HORMAD2: variants seen among roughly 807,000 people sequenced by gnomAD.
HORMAD2 encodes HORMA domain containing 2, also known as HORMA domain-containing protein 2.
A neutral mutation model predicts 38.8 loss-of-function variants in HORMAD2; 45 were observed. The ratio of observed to expected loss-of-function variants is 1.16; its 90% CI spans 0.91 to 1.49. The LOEUF (loss-of-function observed/expected upper bound fraction) is 1.49. Among genes scored for constraint, HORMAD2 ranks in the 40% most tolerant of loss-of-function variants. The pLI, the probability that HORMAD2 is intolerant of heterozygous loss-of-function variation, is 0.00. For missense variants in HORMAD2, 338 were observed against 367.0 expected, an observed-to-expected ratio of 0.92 and a Z score of 0.65; for synonymous variants, 126 against 122.8, an observed-to-expected ratio of 1.03 and a Z score of -0.17.
chr22:30,184,715 TG>T, the HORMAD2 span: 11 of 152,190 alleles, frequency 7.2e-5, no homozygotes, highest in Admixed American at 5.2e-4. Flanking sequence ...GCCTAAAGCC[TG>T]GGGAGTAGAT....
In HORMAD2 at chr22:30,121,663, A is replaced by G; in HGVS notation, c.442A>G (p.Thr148Ala). Residue 148 changes from threonine to alanine, a missense_variant, in exon 9 of 11, where the codon ACA becomes GCA. Coordinates refer to ENST00000336726, the MANE Select transcript of HORMAD2 (RefSeq NM_152510.4). The part of the protein sequence containing the change: ...HSSSTSFESG[T>A]NNEDIKKASV... ...CAGCAGTACAAGCTTTGAAAGTGGA[A>G]CAAACAATGAAGATATTAAGAAAGC... 1 of 1,602,354 alleles carries G rather than the reference A, an allele frequency of 6.2e-7. No individual in the cohort carries two copies. Among genetic ancestry groups the G allele is most frequent in the Non-Finnish European group, 8.5e-7 (1 of 1,174,048 alleles).
chr22:30,120,787 G>A (rs972794392), intron 8 of HORMAD2, among the ~76,000 whole-genome samples: 1 of 152,152 alleles, frequency 6.6e-6, no homozygotes, highest in Admixed American at 6.6e-5. Context: ...AAGAGTCTGC[G>A]CATGAGCTAG....
intron 4 of HORMAD2, 21 bp from the exon 5 acceptor site, chr22:30,104,380 C>G: frequency 1.2e-6 from 2 of 1,602,798 alleles, no homozygotes; most frequent in Non-Finnish European, 1.7e-6. Context: ...CAATTGACAT[C>G]AAACATTTAT....
intron 1 of HORMAD2, among the ~76,000 whole-genome samples, chr22:30,090,320 G>A (rs1030510022): frequency 6.6e-6 from 1 of 152,140 alleles, no homozygotes; most frequent in African/African-American, 2.4e-5. Flanking sequence ...CCGAGATCAC[G>A]CCATTGCACT....
rs562002538 is a variant in HORMAD2, at chr22:30,088,620, G to A, written c.-37-5296G>A. 3.9e-3 allele frequency among the ~76,000 whole-genome samples: 576 copies of A among 148,300 alleles called. 1 individual carries two copies. The highest frequency in any genetic ancestry group is 5.2e-3 in the Non-Finnish European group (346 of 66,620). ...TTAGAAAACTATTTAGTTTTATTAA[G>A]TAAGTTTTAATAAGTAAGTTTTATT... On this transcript the variant is annotated intron_variant, in intron 1 of 10. Transcript: ENST00000336726.
intron 10 of HORMAD2, among the ~76,000 whole-genome samples, chr22:30,157,130 T>TA (rs1207314928): frequency 6.6e-6 from 1 of 152,216 alleles, no homozygotes; most frequent in African/African-American, 2.4e-5. Flanking sequence ...TCTCCATCTG[T>TA]ATCCTCTTGG....
intron 5 of HORMAD2, among the ~76,000 whole-genome samples, chr22:30,110,133 G>A (rs556985330): frequency 1.3e-5 from 2 of 151,974 alleles, no homozygotes; most frequent in African/African-American, 4.8e-5. Flanking sequence ...CATTTACATG[G>A]TATTAAGTAT....
chr22:30,185,187 G>A, the HORMAD2 span, among the ~76,000 whole-genome samples: 1 of 152,166 alleles, frequency 6.6e-6, no homozygotes, highest in Non-Finnish European at 1.5e-5. Context: ...TCCCTTGAGG[G>A]ACCAGCCCAT....
At chr22:30,162,834 C>T (rs1024785766) in intron 10 of HORMAD2, among the ~76,000 whole-genome samples, 1 of 151,600 alleles carries the variant, frequency 6.6e-6, no homozygotes, top group Non-Finnish European at 1.5e-5. Context: ...TCTAGAGTAG[C>T]TGGGATTACA....
intron 10 of HORMAD2, among the ~76,000 whole-genome samples, chr22:30,164,085 A>G (rs1484924600): frequency 1.3e-5 from 2 of 152,230 alleles, no homozygotes; most frequent in Admixed American, 6.5e-5. Context: ...TTCACTTAGC[A>G]TAATGTCCTC....
chr22:30,139,253 A>AATATATATATATAT (rs1923887283), intron 10 of HORMAD2, among the ~76,000 whole-genome samples: 2 of 30,012 alleles, frequency 6.7e-5, no homozygotes, highest in Admixed American at 3.2e-4. Flanking sequence ...TATGAACTGT[A>AATATATATATATAT]CTATATATAT....
chr22:30,083,488 A>G (rs2068519860), intron 1 of HORMAD2, among the ~76,000 whole-genome samples: 1 of 152,218 alleles, frequency 6.6e-6, no homozygotes, highest in African/African-American at 2.4e-5. Flanking sequence ...CATGCTCTCT[A>G]GAGTCATACC....
At position 30,165,772 on chromosome 22, in the gene HORMAD2, GC is replaced by G. The variant is rs1434378915; in HGVS notation, c.820-10289del. Among the ~76,000 whole-genome samples the G allele has an allele frequency of 3.3e-5, 5 of 152,040 alleles. No homozygotes were observed. The East Asian group carries it at 9.6e-4, about 29-fold the overall frequency. Reference sequence around the variant, plus strand: ...CTGCCAATTCCCTGGTAATTGAAATGCCACCTTTTTCATAAACCATAGCATA... The same window carrying G: ...CTGCCAATTCCCTGGTAATTGAAATGCACCTTTTTCATAAACCATAGCATA... On this transcript the variant is annotated intron_variant, in intron 10 of 10. Coordinates refer to ENST00000336726, the MANE Select transcript of HORMAD2 (RefSeq NM_152510.4).
chr22:30,108,238 A>G (rs966477733), intron 5 of HORMAD2, among the ~76,000 whole-genome samples: 4 of 152,086 alleles, frequency 2.6e-5, no homozygotes, highest in Non-Finnish European at 1.5e-5. Context: ...ATTCCAACCC[A>G]CTGTCCACAC....
At chr22:30,158,676 C>A (rs924391302) in intron 10 of HORMAD2, among the ~76,000 whole-genome samples, 2 of 144,474 alleles carry the variant, frequency 1.4e-5, no homozygotes, top group African/African-American at 5.2e-5. Context: ...TCCCCCTCCC[C>A]TTCTCTCTTT....
chr22:30,167,424 C>G (rs997975212), intron 10 of HORMAD2, among the ~76,000 whole-genome samples: 2 of 152,128 alleles, frequency 1.3e-5, no homozygotes, highest in Non-Finnish European at 2.9e-5. Context: ...TCCAATTTGC[C>G]TGGAGTTAGG....
At chr22:30,126,333 A>G (rs1231852496) in intron 10 of HORMAD2, among the ~76,000 whole-genome samples, 1 of 151,904 alleles carries the variant, frequency 6.6e-6, no homozygotes, top group African/African-American at 2.4e-5. Context: ...CACACCGCCT[A>G]ATTTTTTGTA....
At chr22:30,125,824 GC>G (rs1472008239) in intron 10 of HORMAD2, among the ~76,000 whole-genome samples, 17 of 152,148 alleles carry the variant, frequency 1.1e-4, no homozygotes, top group Admixed American at 5.2e-4. Flanking sequence ...CAGTGATACA[GC>G]TCAATAAATA....
chr22:30,163,098 T>G (rs1925554771), intron 10 of HORMAD2, among the ~76,000 whole-genome samples: 1 of 152,214 alleles, frequency 6.6e-6, no homozygotes, highest in Non-Finnish European at 1.5e-5. Flanking sequence ...TTTTCCCTAT[T>G]AGTATACTTA....
Sources: gnomAD v4.1 joint callset for allele counts (sites outside exome capture counted in the v4.1 genomes callset) on GRCh38, gnomAD v4.1.1 for gene constraint, MANE v1.5 for transcripts, NCBI Gene and HGNC (gene_info 2026-07-23, HGNC 2026-07-21) for gene names.